The following ROBO1 variants were observed in gnomAD, a reference collection of about 807,000 sequenced individuals.
The protein encoded by ROBO1 is roundabout guidance receptor 1.
Under a neutral mutation model 195.9 loss-of-function variants are expected in ROBO1, and 149 were observed. That is an observed-to-expected ratio of 0.76 (90% CI 0.67 to 0.87). The LOEUF is 0.87. Ranked by LOEUF, ROBO1 falls within the 40% of genes least tolerant of loss-of-function variation. The pLI is 0.00. For synonymous variants in ROBO1, 816 were observed against 733.2 expected (o/e 1.11, Z -1.82); for missense variants, 1,933 against 2,068.3 (o/e 0.93, Z 1.27).
chr3:79,757,447 A>G (rs1013878806), intron 1 of ROBO1, among the ~76,000 whole-genome samples: 1 of 151,188 alleles, frequency 6.6e-6, no homozygotes, highest in African/African-American at 2.5e-5. Context: ...ACCAGCCCCA[A>G]TTTTTTATTC....
intron 2 of ROBO1, among the ~76,000 whole-genome samples, chr3:79,141,355 C>A (rs529282619): frequency 3.9e-5 from 6 of 152,254 alleles, no homozygotes; most frequent in Admixed American, 1.3e-4. Context: ...TCATTGTCTG[C>A]CTTTCTTAAC....
rs778550924 is a variant in ROBO1, at chr3:78,659,658, T to TTAA, written c.2442+25_2442+27dup. The stretch of plus-strand genomic sequence containing the variant: ...ATGGTGGGGGCTGCCCATCAGGACA[T>TTAA]TAATATATATATATATTATACTCAT... On this transcript the variant is annotated intron_variant, in intron 17 of 30. Transcript: ENST00000464233. The TTAA allele has an allele frequency of 1.0e-5, 14 of 1,370,866 alleles. No individual in the cohort carries two copies. In the South Asian group the frequency reaches 2.6e-4, roughly 26 times the overall value. The allele number at this position is 1,370,866 out of a possible 1,614,324, so 84.9% of individuals were successfully genotyped here. A position where few individuals can be genotyped will look rare whatever the true frequency, so the allele number is the denominator to read the frequency against.
intron 25 of ROBO1, among the ~76,000 whole-genome samples, chr3:78,628,275 T>A (rs1429364027): frequency 6.6e-6 from 1 of 152,172 alleles, no homozygotes; most frequent in Non-Finnish European, 1.5e-5. Flanking sequence ...CTCTTAACAA[T>A]CTTTGCAGAG....
At chr3:79,412,961 T>C (rs919275728) in intron 2 of ROBO1, among the ~76,000 whole-genome samples, 4 of 136,496 alleles carry the variant, frequency 2.9e-5, no homozygotes, top group Non-Finnish European at 4.6e-5. Flanking sequence ...CATGGGCAAA[T>C]GGAAATATTG....
intron 4 of ROBO1, among the ~76,000 whole-genome samples, chr3:78,807,743 T>A (rs1276374735): frequency 6.6e-6 from 1 of 152,204 alleles, no homozygotes; most frequent in Admixed American, 6.5e-5. Flanking sequence ...TTTGTATGCA[T>A]ACACACAGCA....
chr3:79,563,230 T>C (rs572823460), intron 2 of ROBO1, among the ~76,000 whole-genome samples: 1 of 152,190 alleles, frequency 6.6e-6, no homozygotes, highest in African/African-American at 2.4e-5. Context: ...TTGAAAAGTA[T>C]GATAGATTAC....
At chr3:78,608,950 C>A (rs62260372) in intron 28 of ROBO1, among the ~76,000 whole-genome samples, 1 of 151,864 alleles carries the variant, frequency 6.6e-6, no homozygotes, top group Non-Finnish European at 1.5e-5. Context: ...ATAGGAGGAG[C>A]CTTTGGAGTA....
rs763576136 is a variant in ROBO1, at chr3:78,646,203, GAA to G, written c.2840-15_2840-14del. On this transcript the variant is annotated splice_polypyrimidine_tract_variant and intron_variant, in intron 20 of 30. Transcript: ENST00000464233. ...CTCTGGTAAGTTACTAGAATGTTACGAAAAAAAAAAGGAACAATTAATAGACA... is the reference window on the plus strand; with the variant it reads ...CTCTGGTAAGTTACTAGAATGTTACGAAAAAAAAGGAACAATTAATAGACA... 3.6e-6 allele frequency: 5 copies of G among 1,388,046 alleles called. No individual in the cohort carries two copies. The highest frequency in any genetic ancestry group is 2.7e-5 in the East Asian group (1 of 37,524). The allele number at this position is 1,388,046 out of a possible 1,614,324, so 86.0% of individuals were successfully genotyped here. A position where few individuals can be genotyped will look rare whatever the true frequency, so the allele number is the denominator to read the frequency against.
At chr3:79,674,268 T>C (rs967711857) in intron 1 of ROBO1, among the ~76,000 whole-genome samples, 6 of 151,976 alleles carry the variant, frequency 3.9e-5, no homozygotes, top group Non-Finnish European at 8.8e-5. Flanking sequence ...TAAAATAACC[T>C]TATACGGTAA....
At chr3:79,637,127 A>C (rs1441477196) in intron 1 of ROBO1, among the ~76,000 whole-genome samples, 1 of 152,214 alleles carries the variant, frequency 6.6e-6, no homozygotes, top group East Asian at 1.9e-4. Context: ...TGGGCAGCCC[A>C]ATGAACATTT....
chr3:78,670,265 C>G lies in ROBO1; in HGVS notation c.1379G>C (p.Gly460Ala). 2.5e-6 allele frequency: 4 copies of G among 1,580,942 alleles called. No individual in the cohort carries two copies. In the South Asian group the frequency reaches 4.6e-5, roughly 18 times the overall value. The stretch of plus-strand genomic sequence containing the variant: ...CACGGCTACAGTCTGATTCACAGGA[C>G]CTTGTCGAATAACTGGGGGAGGCCG... Reference protein sequence around the residue: ...ADRPPPVIRQGPVNQTVAVDG... With the variant: ...ADRPPPVIRQAPVNQTVAVDG... The change falls in exon 11 of 31, where the codon GGT becomes GCT. Residue 460 changes from glycine to alanine, a missense_variant. Gly to Ala is a moderately conservative substitution (Grantham distance 60). This residue lies in a region of ROBO1 where 1,737 missense variants were observed against 1,882.5 expected (regional missense o/e 0.92). Transcript: ENST00000464233.
intron 1 of ROBO1, among the ~76,000 whole-genome samples, chr3:79,761,044 T>G (rs1012150845): frequency 7.4e-5 from 11 of 148,622 alleles, no homozygotes; most frequent in Non-Finnish European, 1.5e-4. Flanking sequence ...TAATACTGTA[T>G]ATATACTATA....
At chr3:78,691,535 A>G (rs1176332886) in intron 8 of ROBO1, among the ~76,000 whole-genome samples, 1 of 152,192 alleles carries the variant, frequency 6.6e-6, no homozygotes, top group Non-Finnish European at 1.5e-5. Flanking sequence ...GATTATTTCA[A>G]CTTTTCACTG....
At chr3:79,541,781 GTA>G (rs1448277576) in intron 2 of ROBO1, among the ~76,000 whole-genome samples, 2 of 149,406 alleles carry the variant, frequency 1.3e-5, no homozygotes, top group African/African-American at 4.9e-5. Context: ...ATATGTGTGT[GTA>G]TATGTATATA....
chr3:78,661,981 G>GT lies in ROBO1; in HGVS notation c.2088+11dup, dbSNP rs767870910. On this transcript the variant is annotated intron_variant, in intron 15 of 30. Coordinates refer to ENST00000464233, the MANE Select transcript of ROBO1 (RefSeq NM_002941.4). Reference sequence around the variant, plus strand: ...CTTATTAAAACTGAGATCAAATATTGTAACAACTCACTGTCCAGTGCACTT... The same window carrying GT: ...CTTATTAAAACTGAGATCAAATATTGTTAACAACTCACTGTCCAGTGCACTT... 3 of 1,604,508 alleles carry GT rather than the reference G, an allele frequency of 1.9e-6. No homozygotes were observed. The highest frequency in any genetic ancestry group is 1.8e-4 in the Middle Eastern group (1 of 5,642).
chr3:79,503,159 G>A (rs1001575722), intron 2 of ROBO1, among the ~76,000 whole-genome samples: 6 of 152,098 alleles, frequency 3.9e-5, no homozygotes, highest in Admixed American at 3.9e-4. Flanking sequence ...TCACTGCGAA[G>A]GTTTGCAGCT....
intron 4 of ROBO1, among the ~76,000 whole-genome samples, chr3:78,887,153 C>T (rs1401516957): frequency 6.6e-6 from 1 of 152,030 alleles, no homozygotes; most frequent in African/African-American, 2.4e-5. Context: ...AAAATCAGAA[C>T]TTGGAGAGTA....
At chr3:79,201,572 G>T (rs1334738983) in intron 2 of ROBO1, among the ~76,000 whole-genome samples, 1 of 151,922 alleles carries the variant, frequency 6.6e-6, no homozygotes, top group Non-Finnish European at 1.5e-5. Flanking sequence ...TGCTTAAGCA[G>T]TATCTCCACA....
intron 2 of ROBO1, among the ~76,000 whole-genome samples, chr3:79,463,972 C>T (rs1048431954): frequency 6.6e-6 from 1 of 152,162 alleles, no homozygotes; most frequent in African/African-American, 2.4e-5. Flanking sequence ...CCAGTCATCT[C>T]CTTTCCATCT....
Sources: allele counts gnomAD v4.1 joint callset (sites outside exome capture counted in the v4.1 genomes callset), GRCh38; gene constraint gnomAD v4.1.1; regional missense constraint gnomAD v4.1.1; transcripts MANE v1.5; gene names NCBI Gene and HGNC (gene_info 2026-07-23, HGNC 2026-07-21).